AFF3: variants seen among roughly 807,000 people sequenced by gnomAD.
The protein encoded by AFF3 is ALF transcription elongation factor 3.
In AFF3, 32 loss-of-function variants were observed where a neutral mutation model predicts 129.7. The ratio of observed to expected loss-of-function variants is 0.25; its 90% CI spans 0.19 to 0.33. The LOEUF (loss-of-function observed/expected upper bound fraction) is 0.33, where lower values mean the gene tolerates loss of function less well. AFF3 is among the 10% of genes least tolerant of loss of function. The pLI, the probability that AFF3 is intolerant of heterozygous loss-of-function variation, is 1.00. For missense variants in AFF3, 1,373 were observed against 1,592.0 expected, an observed-to-expected ratio of 0.86 and a Z score of 2.34; for synonymous variants, 644 against 635.4, an observed-to-expected ratio of 1.01 and a Z score of -0.20.
chr2:100,117,070 T>C (rs868452738), intron 2 of AFF3, among the ~76,000 whole-genome samples: 27 of 152,194 alleles, frequency 1.8e-4, no homozygotes, highest in African/African-American at 6.3e-4. Flanking sequence ...TTTCTTTTTG[T>C]CCTTGATTAT....
At chr2:99,899,235 T>G (rs1313376935) in intron 7 of AFF3, among the ~76,000 whole-genome samples, 1 of 152,188 alleles carries the variant, frequency 6.6e-6, no homozygotes, top group Admixed American at 6.5e-5. Flanking sequence ...CTTCCAACTC[T>G]CCTAATCTTG....
chr2:99,706,137 C>T (rs1338581462), intron 11 of AFF3, among the ~76,000 whole-genome samples: 2 of 152,104 alleles, frequency 1.3e-5, no homozygotes, highest in Non-Finnish European at 2.9e-5. Flanking sequence ...TTACGATGTT[C>T]AACCATGTAT....
rs773588803 is a variant in AFF3 at position 99,593,859 on chromosome 2, T to C, written c.1802A>G (p.Asn601Ser). The C allele has an allele frequency of 3.2e-6, 5 of 1,582,706 alleles. No individual in the cohort carries two copies. The highest frequency in any genetic ancestry group is 3.6e-5 in the Admixed American group (2 of 55,068). The change falls in exon 15 of 25, where the codon AAC (asparagine) becomes AGC (serine). Residue 601 changes from asparagine to serine, a missense_variant. Physicochemically the swap from Asn to Ser is conservative, Grantham distance 46. Coordinates refer to ENST00000672756, the MANE Select transcript of AFF3 (RefSeq NM_001386135.1). ...TERTSAGDGA[N>S]CHRPEEPAAA... is the part of the protein sequence containing the mutation. ...CGCGGGCTCCTCGGGCCGGTGGCAG[T>C]TGGCGCCGTCCCCGGCTGAGGTCCT...
intron 13 of AFF3, among the ~76,000 whole-genome samples, chr2:99,649,355 A>G (rs1460723500): frequency 6.6e-6 from 1 of 152,212 alleles, no homozygotes; most frequent in African/African-American, 2.4e-5. Context: ...TTCAGAATTT[A>G]CCGCACCACT....
intron 8 of AFF3, among the ~76,000 whole-genome samples, chr2:99,829,798 A>G (rs1688378638): frequency 6.6e-6 from 1 of 152,268 alleles, no homozygotes; most frequent in African/African-American, 2.4e-5. Context: ...TCAAAGGATT[A>G]TAAATCACTC....
At chr2:100,020,423 G>A (rs1683492813) in intron 4 of AFF3, among the ~76,000 whole-genome samples, 1 of 151,922 alleles carries the variant, frequency 6.6e-6, no homozygotes, top group Non-Finnish European at 1.5e-5. Flanking sequence ...TGTTGATGTT[G>A]TACAACTCTC....
At chr2:99,960,959 C>T (rs34321437) in intron 7 of AFF3, among the ~76,000 whole-genome samples, 3,875 of 152,310 alleles carry the variant, frequency 0.025, 73 homozygotes, top group Non-Finnish European at 0.037. Flanking sequence ...CAGCCTTGTG[C>T]TCCTGGCTCC....
chr2:99,899,247 C>G (rs1250704693), intron 7 of AFF3, among the ~76,000 whole-genome samples: 1 of 152,174 alleles, frequency 6.6e-6, no homozygotes. Context: ...CTAATCTTGG[C>G]AAGTTTAAAC....
intron 8 of AFF3, among the ~76,000 whole-genome samples, chr2:99,798,464 T>A (rs1427099566): frequency 6.6e-6 from 1 of 151,834 alleles, no homozygotes; most frequent in Non-Finnish European, 1.5e-5. Flanking sequence ...ATCAGATAAA[T>A]AATAAATAAT....
intron 7 of AFF3, among the ~76,000 whole-genome samples, chr2:99,899,506 T>C (rs1694204323): frequency 6.6e-6 from 1 of 152,184 alleles, no homozygotes. Flanking sequence ...GGTCAATCGA[T>C]CCATTTATCT....
intron 7 of AFF3, among the ~76,000 whole-genome samples, chr2:99,984,322 A>G (rs561851361): frequency 8.1e-4 from 123 of 152,338 alleles, no homozygotes; most frequent in African/African-American, 2.8e-3. Flanking sequence ...TTCTAAATCC[A>G]GTCCTGAGTA....
intron 4 of AFF3, among the ~76,000 whole-genome samples, chr2:100,013,117 T>C (rs1573110590): frequency 6.6e-6 from 1 of 152,370 alleles, no homozygotes; most frequent in East Asian, 1.9e-4. Context: ...ATAAAAAATG[T>C]AGTGAAAACA....
At chr2:100,030,050 G>A (rs1444455051) in intron 4 of AFF3, among the ~76,000 whole-genome samples, 1 of 149,374 alleles carries the variant, frequency 6.7e-6, no homozygotes, top group Non-Finnish European at 1.5e-5. Flanking sequence ...CTGGGCGAGA[G>A]AGCAAGACTG....
At chr2:100,115,598 G>A (rs950193659) in intron 2 of AFF3, among the ~76,000 whole-genome samples, 3 of 152,056 alleles carry the variant, frequency 2.0e-5, no homozygotes, top group Admixed American at 6.6e-5. Context: ...GCTATTGTTG[G>A]TATGGTATTC....
chr2:100,004,851 C>T (rs1681812858), intron 7 of AFF3, among the ~76,000 whole-genome samples: 1 of 151,430 alleles, frequency 6.6e-6, no homozygotes, highest in East Asian at 1.9e-4. Context: ...CACTGCACCC[C>T]CCTTCACAAA....
intron 11 of AFF3, among the ~76,000 whole-genome samples, chr2:99,681,337 A>G (rs1031515535): frequency 2.0e-5 from 3 of 152,262 alleles, no homozygotes; most frequent in Non-Finnish European, 4.4e-5. Context: ...AGGAGTTTTC[A>G]GTAATGGGTT....
chr2:99,654,425 A>G (rs1685563509), intron 12 of AFF3, among the ~76,000 whole-genome samples: 3 of 152,184 alleles, frequency 2.0e-5, no homozygotes. Context: ...GCTTTTGCAC[A>G]CTATTTTATT....
intron 7 of AFF3, among the ~76,000 whole-genome samples, chr2:99,900,290 T>A (rs148608817): frequency 1.2e-3 from 181 of 152,272 alleles, no homozygotes; most frequent in African/African-American, 4.3e-3. Context: ...TAAATTACCA[T>A]ACCCCAGGGG....
At chr2:99,598,982 G>A (rs1282487100) in intron 14 of AFF3, among the ~76,000 whole-genome samples, 1 of 152,228 alleles carries the variant, frequency 6.6e-6, no homozygotes. Flanking sequence ...GAACGAACGT[G>A]CAGCCTGGCT....
Sources: gnomAD v4.1 joint callset for allele counts (sites outside exome capture counted in the v4.1 genomes callset) on GRCh38, gnomAD v4.1.1 for gene constraint, MANE v1.5 for transcripts, NCBI Gene and HGNC (gene_info 2026-07-23, HGNC 2026-07-21) for gene names.